The following ARHGEF9 variants were observed in gnomAD, a reference collection of about 807,000 sequenced individuals.
ARHGEF9 encodes Cdc42 guanine nucleotide exchange factor 9.
Under a neutral mutation model 41.3 loss-of-function variants are expected in ARHGEF9, and 2 were observed. The observed-to-expected ratio is 0.05, with a 90% CI of 0.02 to 0.15. The LOEUF is 0.15. Among genes scored for constraint, ARHGEF9 ranks in the 10% least tolerant of loss-of-function variants. ARHGEF9 has a pLI of 1.00. For missense variants in ARHGEF9, 225 were observed against 424.7 expected (o/e 0.53, Z 4.13); for synonymous variants, 160 against 154.4 (o/e 1.04, Z -0.27).
At chrX:63,684,473 C>T (rs1339681281) in intron 4 of ARHGEF9, among the ~76,000 whole-genome samples, 4 of 110,962 alleles carry the variant, frequency 3.6e-5, no homozygotes, top group Admixed American at 9.6e-5. Context: ...TTAAGATGTT[C>T]CCAAAGAAAT....
chrX:63,692,808 T>G (rs868959444), intron 4 of ARHGEF9, among the ~76,000 whole-genome samples: 31 of 112,169 alleles, frequency 2.8e-4, no homozygotes, highest in Non-Finnish European at 2.1e-4. Context: ...GGAATCAACC[T>G]AAGTGCCCAC....
At chrX:63,774,785 C>T (rs1401509083) in intron 1 of ARHGEF9, among the ~76,000 whole-genome samples, 1 of 111,806 alleles carries the variant, frequency 8.9e-6, no homozygotes. Context: ...ATGACAAAGA[C>T]ACCAACAGCA....
chrX:63,645,671 T>G (rs1161474243), intron 8 of ARHGEF9, among the ~76,000 whole-genome samples: 1 of 111,954 alleles, frequency 8.9e-6, no homozygotes, highest in East Asian at 2.8e-4. Context: ...CTATTGTGAA[T>G]AGTGCCGCAA....
intron 4 of ARHGEF9, among the ~76,000 whole-genome samples, chrX:63,683,997 GA>G (rs781937475): frequency 3.7e-5 from 4 of 108,247 alleles, no homozygotes; most frequent in Admixed American, 9.8e-5. Context: ...CTGCTATGCA[GA>G]AAAAAAAAGT....
In ARHGEF9 at chrX:63,771,576, T is replaced by G. The variant is rs181674430; in HGVS notation, c.30+13540A>C. ...CTTCATCCAGTCAGTTGAAGAACTT[T>G]TTTTTTTTGAGACAGAGTCTCATTC... On this transcript the variant is annotated intron_variant, in intron 1 of 9. Coordinates refer to ENST00000671741, the MANE Select transcript of ARHGEF9 (RefSeq NM_001353921.2). Among the ~76,000 whole-genome samples the G allele has an allele frequency of 1.2e-3, 130 of 111,160 alleles. 1 individual carries two copies. Among genetic ancestry groups the G allele is most frequent in the African/African-American group, 3.7e-3 (114 of 30,573 alleles).
chrX:63,650,758 C>G (rs2048491496), intron 8 of ARHGEF9, among the ~76,000 whole-genome samples: 1 of 110,022 alleles, frequency 9.1e-6, no homozygotes, highest in Non-Finnish European at 1.9e-5. Context: ...TCACATGTAC[C>G]TTAAAAATAT....
chrX:63,637,882 C>CTGTG lies in ARHGEF9; in HGVS notation c.*142_*145dup, dbSNP rs1318115275. ...TGTGTGTGTGTGTGTGTGTGTGTGT[C>CTGTG]TGTGTGTGTGTGTGTGTATGTGTAC... On this transcript the variant is annotated 3_prime_UTR_variant, in exon 10 of 10. Coordinates refer to ENST00000671741, the MANE Select transcript of ARHGEF9 (RefSeq NM_001353921.2). The CTGTG allele has an allele frequency of 9.8e-5, 29 of 295,064 alleles. No individual in the cohort carries two copies. The East Asian group carries it at 1.3e-3, about 14-fold the overall frequency. The allele number at this position is 295,064 out of a possible 1,213,427, so 24.3% of individuals were successfully genotyped here. A position where few individuals can be genotyped will look rare whatever the true frequency, so the allele number is the denominator to read the frequency against.
chrX:63,740,367 T>C (rs1556425646), intron 1 of ARHGEF9, among the ~76,000 whole-genome samples: 2 of 111,704 alleles, frequency 1.8e-5, no homozygotes, highest in African/African-American at 6.5e-5. Context: ...CCAATAGGAG[T>C]CAGGTCCAAT....
chrX:63,772,609 C>T (rs2056223379), intron 1 of ARHGEF9, among the ~76,000 whole-genome samples: 1 of 111,703 alleles, frequency 9.0e-6, no homozygotes, highest in African/African-American at 3.3e-5. Context: ...CTCAAGGTCA[C>T]ATAGCTAAGA....
intron 8 of ARHGEF9, among the ~76,000 whole-genome samples, chrX:63,649,102 T>G (rs1158589145): frequency 1.8e-5 from 2 of 111,735 alleles, no homozygotes; most frequent in Non-Finnish European, 3.8e-5. Context: ...CAAGCAGACC[T>G]AATAGACATC....
rs781785078 is a variant in ARHGEF9 at position 63,636,901 on chromosome X, C to A, written c.*1127G>T. On this transcript the variant is annotated 3_prime_UTR_variant, in exon 10 of 10. Coordinates refer to ENST00000671741, the MANE Select transcript of ARHGEF9 (RefSeq NM_001353921.2). ...GTCTTGAACCCCTCCATACTTCTATCAATGCTGCCCAAACATCTGTAAATG... is the reference window on the plus strand; with the variant it reads ...GTCTTGAACCCCTCCATACTTCTATAAATGCTGCCCAAACATCTGTAAATG... 58 of 295,421 alleles carry A rather than the reference C, an allele frequency of 2.0e-4. No individual in the cohort carries two copies. In the South Asian group the frequency reaches 0.012, roughly 61 times the overall value. The allele number at this position is 295,421 out of a possible 1,213,427, so 24.3% of individuals were successfully genotyped here.
intron 1 of ARHGEF9, among the ~76,000 whole-genome samples, chrX:63,775,759 C>T (rs1487456935): frequency 9.0e-6 from 1 of 111,563 alleles, no homozygotes; most frequent in Non-Finnish European, 1.9e-5. Flanking sequence ...ATAATCTATA[C>T]ATCAAACCCC....
At chrX:63,723,607 C>T (rs1187912894) in intron 2 of ARHGEF9, among the ~76,000 whole-genome samples, 1 of 112,078 alleles carries the variant, frequency 8.9e-6, no homozygotes, top group Non-Finnish European at 1.9e-5. Flanking sequence ...CTGTGACATG[C>T]CCTGGCATTA....
intron 1 of ARHGEF9, among the ~76,000 whole-genome samples, chrX:63,768,205 C>T (rs191163275): frequency 5.7e-4 from 64 of 111,916 alleles, no homozygotes; most frequent in African/African-American, 1.8e-3. Context: ...TAGCTTGGTT[C>T]CCACTTATAA....
chrX:63,782,681 G>A (rs1300364998), intron 1 of ARHGEF9, among the ~76,000 whole-genome samples: 3 of 112,425 alleles, frequency 2.7e-5, no homozygotes, highest in African/African-American at 6.5e-5. Context: ...CCTTGCAAAC[G>A]AAAGAACAAG....
intron 1 of ARHGEF9, among the ~76,000 whole-genome samples, chrX:63,747,204 G>A (rs2055328700): frequency 8.9e-6 from 1 of 112,133 alleles, no homozygotes; most frequent in South Asian, 3.7e-4. Context: ...TTTTGCTGAT[G>A]AAGAAAACCA....
chrX:63,686,910 T>C (rs1194591120), intron 4 of ARHGEF9, among the ~76,000 whole-genome samples: 1 of 111,011 alleles, frequency 9.0e-6, no homozygotes, highest in Non-Finnish European at 1.9e-5. Context: ...TCAAGGTTCC[T>C]ATAATACTGG....
intron 1 of ARHGEF9, among the ~76,000 whole-genome samples, chrX:63,783,143 T>G (rs2056407891): frequency 8.9e-6 from 1 of 112,241 alleles, no homozygotes; most frequent in South Asian, 3.7e-4. Flanking sequence ...TCTTCATTAA[T>G]TTAACCTGTT....
At position 63,697,379 on chromosome X, in the gene ARHGEF9, G is replaced by A. The variant is rs1556389872; in HGVS notation, c.403-75C>T. 12 of 999,848 alleles carry A rather than the reference G, an allele frequency of 1.2e-5. No homozygotes were observed. In the East Asian group the frequency reaches 3.4e-4, roughly 28 times the overall value. 82.4% of individuals were successfully genotyped at this position (999,848 alleles called of 1,213,427 possible). A position where few individuals can be genotyped will look rare whatever the true frequency, so the allele number is the denominator to read the frequency against. On this transcript the variant is annotated intron_variant, in intron 3 of 9. Coordinates refer to ENST00000671741, the MANE Select transcript of ARHGEF9 (RefSeq NM_001353921.2). ...GGCTTTACACTTCCTAAGCACTTAA[G>A]AGCCTCATTTTGGTCCCAAGAAGTA...
Sources: gnomAD v4.1 joint callset for allele counts (sites outside exome capture counted in the v4.1 genomes callset) on GRCh38, gnomAD v4.1.1 for gene constraint, MANE v1.5 for transcripts, NCBI Gene and HGNC (gene_info 2026-07-23, HGNC 2026-07-21) for gene names.